The following PHF12 variants were observed in gnomAD, a reference collection of about 807,000 sequenced individuals.
PHF12 encodes the protein PHD finger protein 12, also known as PHD factor 1.
PHF12 carries 6 observed loss-of-function variants against 99.8 expected under a neutral mutation model. The ratio of observed to expected loss-of-function variants is 0.06; its 90% CI spans 0.03 to 0.12. PHF12 has a LOEUF of 0.12. PHF12 is among the 10% of genes least tolerant of loss of function. The probability of loss-of-function intolerance (pLI) is 1.00; values close to 1 mark genes in which losing one functional copy is unlikely to be tolerated. For synonymous variants in PHF12, 480 were observed against 514.9 expected (o/e 0.93, Z 0.92); for missense variants, 954 against 1,300.1 (o/e 0.73, Z 4.09).
Position 28,913,077 on chromosome 17 carries a change from T to C in PHF12, c.1494A>G (p.Ser498=). Reference sequence around the variant, plus strand: ...TCAGGGAATTCTGGGTGCTAATCCCTGAGGGGCAGGACAAGGGGTAGTGGG... The same window carrying C: ...TCAGGGAATTCTGGGTGCTAATCCCCGAGGGGCAGGACAAGGGGTAGTGGG... ...TPSHYPLSCP[S]GISTQNSLSC... Residue 498 remains serine, a synonymous_variant, in exon 9 of 15, where the codon TCA becomes TCG. Transcript: ENST00000332830. The C allele has an allele frequency of 6.2e-7, 1 of 1,614,154 alleles. No individual in the cohort carries two copies. Among genetic ancestry groups the C allele is most frequent in the South Asian group, 1.1e-5 (1 of 91,086 alleles).
chr17:28,938,010 AAG>A (rs2040540296), intron 2 of PHF12, among the ~76,000 whole-genome samples: 1 of 152,184 alleles, frequency 6.6e-6, no homozygotes, highest in African/African-American at 2.4e-5. Context: ...TGTATTCTGG[AAG>A]AGTCTCAGAG....
Position 28,906,520 on chromosome 17 carries a change from G to A in PHF12, c.2681-3C>T. 1 of 1,587,226 alleles carries A rather than the reference G, an allele frequency of 6.3e-7. No homozygotes were observed. The highest frequency in any genetic ancestry group is 8.6e-7 in the Non-Finnish European group (1 of 1,163,774). ...CTGTTTCTGGTGCCGGCGGCGCCCT[G>A]GGAAAAAGGGGGATGGTCACAGAAG... On this transcript the variant is annotated splice_region_variant and splice_polypyrimidine_tract_variant and intron_variant, in intron 14 of 14. Coordinates refer to ENST00000332830, the MANE Select transcript of PHF12 (RefSeq NM_001033561.2). This position sits in a 1 kb window ranked among gnomAD's most constrained non-coding sequence, Gnocchi z 4.2.
intron 2 of PHF12, among the ~76,000 whole-genome samples, chr17:28,938,709 T>G (rs2152675903): frequency 6.6e-6 from 1 of 152,128 alleles, no homozygotes; most frequent in South Asian, 2.1e-4. Flanking sequence ...ATCCCCCAAT[T>G]CCACTCATAA....
At chr17:28,921,351 G>T (rs2040161124) in intron 5 of PHF12, among the ~76,000 whole-genome samples, 1 of 151,690 alleles carries the variant, frequency 6.6e-6, no homozygotes, top group Non-Finnish European at 1.5e-5. Context: ...TTTTTTTGTA[G>T]AGACAAGGTT....
Position 28,908,949 on chromosome 17 carries a change from A to G in PHF12, c.2360-68T>C. 3.1e-5 allele frequency: 44 copies of G among 1,433,652 alleles called. 1 individual carries two copies. In the South Asian group the frequency reaches 5.2e-4, roughly 17 times the overall value. 88.8% of individuals were successfully genotyped at this position (1,433,652 alleles called of 1,614,324 possible). A position where few individuals can be genotyped will look rare whatever the true frequency, so the allele number is the denominator to read the frequency against. On this transcript the variant is annotated intron_variant, in intron 11 of 14. Transcript: ENST00000332830. ...TCCTGTGATCCAAACATAAACCAAC[A>G]AAATCTGGACCTTTGGCTCATGGCC...
intron 2 of PHF12, among the ~76,000 whole-genome samples, chr17:28,943,382 C>A: frequency 6.6e-6 from 1 of 152,162 alleles, no homozygotes; most frequent in Non-Finnish European, 1.5e-5. Flanking sequence ...GTAATCCCAG[C>A]ATTTTAGGAG....
intron 11 of PHF12, chr17:28,909,254 C>A: frequency 5.1e-6 from 1 of 194,576 alleles, no homozygotes; most frequent in Non-Finnish European, 1.1e-5. Flanking sequence ...ATAAGAATCG[C>A]CTACAGATCT....
intron 2 of PHF12, among the ~76,000 whole-genome samples, chr17:28,938,974 C>T (rs547474221): frequency 1.3e-4 from 20 of 152,320 alleles, no homozygotes; most frequent in Non-Finnish European, 2.4e-4. Context: ...TACACACAAA[C>T]GGTGAGCACT....
chr17:28,906,938 A>G lies in PHF12; in HGVS notation c.2598T>C (p.Asn866=). The G allele has an allele frequency of 4.3e-6, 7 of 1,613,266 alleles. No homozygotes were observed. The highest frequency in any genetic ancestry group is 5.9e-6 in the Non-Finnish European group (7 of 1,179,610). Residue 866 remains asparagine, a synonymous_variant, in exon 14 of 15, where the codon AAT becomes AAC. Coordinates refer to ENST00000332830, the MANE Select transcript of PHF12 (RefSeq NM_001033561.2). This position sits in a 1 kb window ranked among gnomAD's most constrained non-coding sequence, Gnocchi z 4.2. ...NYSEHGTTVD[N]VLYSCDFSEK... ...CCGAGAAGTCACATGAATACAGCAC[A>G]TTGTCCACCGTTGTCCCATGCTCAC... is the stretch of plus-strand genomic sequence containing the variant.
At position 28,950,972 on chromosome 17, in the gene PHF12, C is replaced by T; in HGVS notation, c.-12G>A. On this transcript the variant is annotated 5_prime_UTR_variant, in exon 1 of 15. Coordinates refer to ENST00000332830, the MANE Select transcript of PHF12 (RefSeq NM_001033561.2). This position sits in a 1 kb window ranked among gnomAD's most constrained non-coding sequence, Gnocchi z 5.7. The stretch of plus-strand genomic sequence containing the variant: ...ATTTTCTCCCACATTCATCCACCTC[C>T]CGGGCTGGGTGCTCTCTGCTCCGGC... 1.9e-6 allele frequency: 3 copies of T among 1,613,918 alleles called. No homozygotes were observed. Among genetic ancestry groups the T allele is most frequent in the Non-Finnish European group, 2.5e-6 (3 of 1,179,884 alleles).
At chr17:28,918,815 C>T (rs1267542860) in intron 6 of PHF12, among the ~76,000 whole-genome samples, 1 of 152,218 alleles carries the variant, frequency 6.6e-6, no homozygotes, top group Non-Finnish European at 1.5e-5. Context: ...GTACCCCAGA[C>T]AGCCAACGAT....
chr17:28,923,033 G>A (rs1008250190), intron 4 of PHF12, among the ~76,000 whole-genome samples: 8 of 149,942 alleles, frequency 5.3e-5, no homozygotes, highest in Non-Finnish European at 8.9e-5. Flanking sequence ...ACAGTGCAGT[G>A]CAGCCTCTGT....
intron 9 of PHF12, chr17:28,912,002 C>T (rs2039969420): frequency 1.2e-6 from 1 of 825,072 alleles, no homozygotes; most frequent in African/African-American, 1.9e-5. Context: ...TCTAGCCCTG[C>T]TTCCTGACAT....
Position 28,950,487 on chromosome 17 carries a change from TG to T in PHF12, c.67-242del, listed in dbSNP as rs2040790706. ...ATGGGGAGGATCAAGGGTAGGGGGA[TG>T]GGAAGAGGGTGCGCGGTTCCCTTCT... is the stretch of plus-strand genomic sequence containing the variant. On this transcript the variant is annotated intron_variant, in intron 1 of 14. Transcript: ENST00000332830. This position sits in a 1 kb window ranked among gnomAD's most constrained non-coding sequence, Gnocchi z 5.7. 1.7e-6 allele frequency: 1 copy of T among 572,776 alleles called. No individual in the cohort carries two copies. Among genetic ancestry groups the T allele is most frequent in the African/African-American group, 1.9e-5 (1 of 53,050 alleles). The allele number at this position is 572,776 out of a possible 1,614,324, so 35.5% of individuals were successfully genotyped here.
Position 28,906,696 on chromosome 17 carries a change from G to A in PHF12, c.2680+160C>T, listed in dbSNP as rs760255684. 519 of 1,236,244 alleles carry A rather than the reference G, an allele frequency of 4.2e-4. No individual in the cohort carries two copies. Among genetic ancestry groups the A allele is most frequent in the Non-Finnish European group, 5.5e-4 (491 of 897,728 alleles). 76.6% of individuals were successfully genotyped at this position (1,236,244 alleles called of 1,614,324 possible). ...CCCACAGGTGTGTACACACATGGGG[G>A]TACTCAGCACTTGCTTCTCTGTGGC... On this transcript the variant is annotated intron_variant, in intron 14 of 14. Coordinates refer to ENST00000332830, the MANE Select transcript of PHF12 (RefSeq NM_001033561.2). This position sits in a 1 kb window ranked among gnomAD's most constrained non-coding sequence, Gnocchi z 4.2.
chr17:28,946,719 G>C (rs535585314), intron 2 of PHF12, among the ~76,000 whole-genome samples: 1 of 152,196 alleles, frequency 6.6e-6, no homozygotes, highest in African/African-American at 2.4e-5. Flanking sequence ...TTTAAATTTT[G>C]TAGAGATGGA....
intron 7 of PHF12, among the ~76,000 whole-genome samples, chr17:28,914,668 T>C (rs1466273900): frequency 1.6e-4 from 9 of 55,606 alleles, no homozygotes; most frequent in African/African-American, 8.5e-4. Context: ...CGAGACTCCG[T>C]CTCAAAAAAA....
Position 28,917,310 on chromosome 17 carries a change from T to A in PHF12, c.1109A>T (p.Gln370Leu). 1 of 1,614,022 alleles carries A rather than the reference T, an allele frequency of 6.2e-7. No homozygotes were observed. The highest frequency in any genetic ancestry group is 8.5e-7 in the Non-Finnish European group (1 of 1,180,030). Residue 370 changes from glutamine to leucine, a missense_variant, in exon 7 of 15, where the codon CAG (glutamine) becomes CTG (leucine). Physicochemically the swap from Gln to Leu is moderately radical, Grantham distance 113. Transcript: ENST00000332830. ...KKHPPNRRVL[Q>L]SVKRRSLKVP... is the part of the protein sequence containing the mutation. ...CTTCAAGCTTCTTCTTTTGACCGAC[T>A]GGAGCACACGCCGGTTAGGGGGGTG... is the stretch of plus-strand genomic sequence containing the variant.
At chr17:28,942,489 C>T (rs1382803902) in intron 2 of PHF12, among the ~76,000 whole-genome samples, 3 of 152,008 alleles carry the variant, frequency 2.0e-5, no homozygotes, top group Non-Finnish European at 4.4e-5. Context: ...CACTGCCCTC[C>T]AGCCTGGGAG....
Sources: gnomAD v4.1 joint callset for allele counts (sites outside exome capture counted in the v4.1 genomes callset) on GRCh38, gnomAD v4.1.1 for gene constraint, Gnocchi (gnomAD v3.1) non-coding constraint, MANE v1.5 for transcripts, NCBI Gene and HGNC (gene_info 2026-07-23, HGNC 2026-07-21) for gene names.